CNIH3: variants seen among roughly 807,000 people sequenced by gnomAD.
CNIH3 encodes the protein protein cornichon homolog 3.
A neutral mutation model predicts 24.1 loss-of-function variants in CNIH3; 14 were observed. That is an observed-to-expected ratio of 0.58 (90% CI 0.38 to 0.91). CNIH3 has a LOEUF of 0.91. Among genes scored for constraint, CNIH3 ranks in the 40% least tolerant of loss-of-function variants. The probability of loss-of-function intolerance (pLI) is 0.00; values close to 1 mark genes in which losing one functional copy is unlikely to be tolerated. For missense variants in CNIH3, 178 were observed against 196.8 expected (o/e 0.90, Z 0.57); for synonymous variants, 68 against 73.8 (o/e 0.92, Z 0.40).
chr1:224,533,638 T>A (rs1679168671), intron 2 of CNIH3, among the ~76,000 whole-genome samples: 1 of 152,184 alleles, frequency 6.6e-6, no homozygotes, highest in African/African-American at 2.4e-5. Context: ...GTGCTGCTAG[T>A]AATCCGTGGC....
chr1:224,596,143 A>G (rs570018972), intron 3 of CNIH3, among the ~76,000 whole-genome samples: 8 of 152,364 alleles, frequency 5.3e-5, no homozygotes, highest in Admixed American at 3.9e-4. Flanking sequence ...TTTCATAGCT[A>G]GAGAGGAAAA....
In CNIH3 at chr1:224,684,862, T is replaced by C; in HGVS notation, c.198+19T>C. On this transcript the variant is annotated intron_variant, in intron 3 of 5. Transcript: ENST00000272133. This position sits in a 1 kb window ranked among gnomAD's most constrained non-coding sequence, Gnocchi z 4.2. ...GCGAAAGGTCAGTGTGGCAGCTTCA[T>C]GCCGAGGATGGAGGATCGCATGGTG... 2 of 1,612,670 alleles carry C rather than the reference T, an allele frequency of 1.2e-6. No homozygotes were observed. The highest frequency in any genetic ancestry group is 1.7e-6 in the Non-Finnish European group (2 of 1,178,662).
chr1:224,543,272 G>C (rs925711675), intron 2 of CNIH3, among the ~76,000 whole-genome samples: 1 of 152,162 alleles, frequency 6.6e-6, no homozygotes, highest in African/African-American at 2.4e-5. Flanking sequence ...GGGCACAGGA[G>C]CTCTATGTGT....
chr1:224,701,277 A>G (rs980429225), intron 3 of CNIH3, among the ~76,000 whole-genome samples: 7 of 151,410 alleles, frequency 4.6e-5, no homozygotes, highest in Non-Finnish European at 1.0e-4. Flanking sequence ...TTGTGCTGCT[A>G]TAACAAAATA....
At chr1:224,652,401 C>A (rs939172673) in intron 1 of CNIH3, among the ~76,000 whole-genome samples, 2 of 152,106 alleles carry the variant, frequency 1.3e-5, no homozygotes, top group African/African-American at 4.8e-5. Context: ...AGGCAGGACT[C>A]AGACCTAGCG....
intron 1 of CNIH3, among the ~76,000 whole-genome samples, chr1:224,678,899 C>T (rs1280711767): frequency 6.6e-6 from 1 of 152,078 alleles, no homozygotes; most frequent in Non-Finnish European, 1.5e-5. Context: ...CTGGGGTCAG[C>T]AGATTTTTTT....
chr1:224,722,311 G>T (rs1414623490), intron 3 of CNIH3, among the ~76,000 whole-genome samples: 1 of 152,184 alleles, frequency 6.6e-6, no homozygotes, highest in Non-Finnish European at 1.5e-5. Context: ...TCTGAAAAAT[G>T]CAGATTCTTG....
intron 5 of CNIH3, among the ~76,000 whole-genome samples, chr1:224,737,400 G>GA (rs1303682434): frequency 6.6e-6 from 1 of 152,128 alleles, no homozygotes; most frequent in African/African-American, 2.4e-5. Flanking sequence ...AACAAAATTG[G>GA]AAACAGTTCC....
chr1:224,580,922 G>A (rs1681249270), intron 4 of CNIH3, among the ~76,000 whole-genome samples: 1 of 152,132 alleles, frequency 6.6e-6, no homozygotes, highest in Non-Finnish European at 1.5e-5. Flanking sequence ...AGTCAAATAT[G>A]CATTCATCTT....
chr1:224,516,117 C>A (rs1678368989), intron 1 of CNIH3, among the ~76,000 whole-genome samples: 1 of 151,802 alleles, frequency 6.6e-6, no homozygotes, highest in Non-Finnish European at 1.5e-5. Context: ...GAGATAGAGA[C>A]CATTCTAGCC....
chr1:224,462,131 A>T (rs529002158), intron 1 of CNIH3, among the ~76,000 whole-genome samples: 1 of 152,128 alleles, frequency 6.6e-6, no homozygotes, highest in East Asian at 1.9e-4. Context: ...CCGTTGGTGT[A>T]TTTGTTACCA....
At chr1:224,545,134 A>G (rs1221042576) in intron 2 of CNIH3, among the ~76,000 whole-genome samples, 1 of 152,238 alleles carries the variant, frequency 6.6e-6, no homozygotes, top group African/African-American at 2.4e-5. Flanking sequence ...GCATATTGCA[A>G]TGTATATGTA....
chr1:224,710,070 A>T (rs1398334961), intron 3 of CNIH3, among the ~76,000 whole-genome samples: 2 of 152,232 alleles, frequency 1.3e-5, no homozygotes, highest in African/African-American at 2.4e-5. Context: ...GGTCTCTCTC[A>T]AAGTGTCTTA....
chr1:224,489,854 G>A (rs893178397), intron 1 of CNIH3, among the ~76,000 whole-genome samples: 1 of 152,158 alleles, frequency 6.6e-6, no homozygotes, highest in African/African-American at 2.4e-5. Flanking sequence ...TCTTCTTGCT[G>A]GGTCCTCACG....
chr1:224,633,744 C>G (rs544755774), intron 1 of CNIH3, among the ~76,000 whole-genome samples: 150 of 152,314 alleles, frequency 9.8e-4, no homozygotes, highest in Middle Eastern at 3.4e-3. Context: ...ATTATCCCCC[C>G]ACCAGGACTG....
rs1377709690 is a variant in CNIH3 at position 224,604,994 on chromosome 1, T to C, written n.402+38730T>C. Reference sequence around the variant, plus strand: ...GTGTGGTTGGGTCCAGGGCCTTTTATGGATTCAGAATGGGGAATGTGTGTG... The same window carrying C: ...GTGTGGTTGGGTCCAGGGCCTTTTACGGATTCAGAATGGGGAATGTGTGTG... On this transcript the variant is annotated intron_variant and non_coding_transcript_variant, in intron 3 of 7. Coordinates refer to the CNIH3 transcript ENST00000478120. This position sits in a 1 kb window ranked among gnomAD's most constrained non-coding sequence, Gnocchi z 4.4. 1.3e-5 allele frequency among the ~76,000 whole-genome samples: 2 copies of C among 152,114 alleles called. No homozygotes were observed. The highest frequency in any genetic ancestry group is 1.9e-4 in the East Asian group (1 of 5,182).
At chr1:224,435,069 C>A in intron 1 of CNIH3, 1 of 985,648 alleles carries the variant, frequency 1.0e-6, no homozygotes. Flanking sequence ...TTCGTAGCCG[C>A]CCTCCGAAGC....
chr1:224,498,659 CA>C (rs931247954), intron 1 of CNIH3, among the ~76,000 whole-genome samples: 26 of 152,114 alleles, frequency 1.7e-4, no homozygotes, highest in Admixed American at 1.4e-3. Context: ...GTAAATGAAA[CA>C]GTCAGTTTGG....
intron 3 of CNIH3, among the ~76,000 whole-genome samples, chr1:224,710,688 G>A (rs1354336305): frequency 6.6e-6 from 1 of 152,176 alleles, no homozygotes; most frequent in Non-Finnish European, 1.5e-5. Context: ...GTGCTGGGAA[G>A]AGAGATGCAT....
Sources: allele counts gnomAD v4.1 joint callset (sites outside exome capture counted in the v4.1 genomes callset), GRCh38; gene constraint gnomAD v4.1.1; non-coding constraint Gnocchi (gnomAD v3.1); transcripts MANE v1.5; gene names NCBI Gene and HGNC (gene_info 2026-07-23, HGNC 2026-07-21).